The following NDC1 variants were observed in gnomAD, a reference collection of about 807,000 sequenced individuals.
The protein encoded by NDC1 is nucleoporin NDC1.
In NDC1, 24 loss-of-function variants were observed where a neutral mutation model predicts 89.8. That is an observed-to-expected ratio of 0.27 (90% CI 0.19 to 0.38). NDC1 has a LOEUF of 0.38. NDC1 is among the 10% of genes least tolerant of loss of function. NDC1 has a pLI of 1.00. For missense variants in NDC1, 728 were observed against 797.6 expected (o/e 0.91, Z 1.05); for synonymous variants, 296 against 284.8 (o/e 1.04, Z -0.39).
In NDC1 at chr1:53,766,930, A is replaced by G. The variant is rs1472155525; in HGVS notation, c.*1040T>C. The G allele has an allele frequency of 6.6e-6, 1 of 152,226 alleles. No homozygotes were observed. Among genetic ancestry groups the G allele is most frequent in the Non-Finnish European group, 1.5e-5 (1 of 68,036 alleles). 9.4% of individuals were successfully genotyped at this position (152,226 alleles called of 1,614,324 possible). A position where few individuals can be genotyped will look rare whatever the true frequency, so the allele number is the denominator to read the frequency against. ...TTCGTTCACATTTGGGACACACAAC[A>G]TACTTCCAAGTACAGTAATCCCTCT... On this transcript the variant is annotated 3_prime_UTR_variant, in exon 18 of 18. Coordinates refer to ENST00000371429, the MANE Select transcript of NDC1 (RefSeq NM_018087.5).
chr1:53,795,080 G>A (rs547542204), intron 13 of NDC1, among the ~76,000 whole-genome samples: 1 of 151,912 alleles, frequency 6.6e-6, no homozygotes, highest in Non-Finnish European at 1.5e-5. Context: ...AGTGACCTCC[G>A]CATTTCTAGC....
chr1:53,831,363 A>C (rs969744610), intron 3 of NDC1, among the ~76,000 whole-genome samples: 1 of 148,856 alleles, frequency 6.7e-6, no homozygotes, highest in Non-Finnish European at 1.5e-5. Flanking sequence ...TGTACATTTA[A>C]AAAATTTTTT....
At chr1:53,824,552 C>A (rs1648782391) in intron 5 of NDC1, among the ~76,000 whole-genome samples, 1 of 152,198 alleles carries the variant, frequency 6.6e-6, no homozygotes, top group Non-Finnish European at 1.5e-5. Flanking sequence ...AGTCTTCAGC[C>A]TGCCAGGGCA....
At chr1:53,787,124 A>G in intron 16 of NDC1, 34 bp downstream of exon 16, 2 of 1,109,082 alleles carry the variant, frequency 1.8e-6, no homozygotes, top group Non-Finnish European at 2.7e-6. Flanking sequence ...GGGGAAGATG[A>G]CCTCTACCCC....
intron 16 of NDC1, among the ~76,000 whole-genome samples, chr1:53,775,685 C>A (rs1647156915): frequency 1.3e-5 from 2 of 152,114 alleles, no homozygotes; most frequent in African/African-American, 4.8e-5. Flanking sequence ...CAGCACTTAT[C>A]CCCTTACAAA....
rs748590393 is a variant in NDC1, at chr1:53,789,113, A to G, written c.1699+20T>C. 1.3e-5 allele frequency: 19 copies of G among 1,503,662 alleles called. No homozygotes were observed. In the East Asian group the frequency reaches 1.8e-4, roughly 14 times the overall value. 93.1% of individuals were successfully genotyped at this position (1,503,662 alleles called of 1,614,324 possible). A position where few individuals can be genotyped will look rare whatever the true frequency, so the allele number is the denominator to read the frequency against. ...AACTGACAATTAAAATCATAGTTACAGTTCACAGTCATTGCTTACCTTCTA... is the reference window on the plus strand; with the variant it reads ...AACTGACAATTAAAATCATAGTTACGGTTCACAGTCATTGCTTACCTTCTA... On this transcript the variant is annotated intron_variant, in intron 15 of 17. Coordinates refer to ENST00000371429, the MANE Select transcript of NDC1 (RefSeq NM_018087.5).
chr1:53,806,411 C>T lies in NDC1; in HGVS notation c.984+14G>A. 6.7e-7 allele frequency: 1 copy of T among 1,492,106 alleles called. No homozygotes were observed. The highest frequency in any genetic ancestry group is 8.9e-7 in the Non-Finnish European group (1 of 1,118,764). 92.4% of individuals were successfully genotyped at this position (1,492,106 alleles called of 1,614,324 possible). Reference sequence around the variant, plus strand: ...GAGAAAACTGTGTGAAGATATGCAACACAGTTTGGATACCTTTATGATGGG... The same window carrying T: ...GAGAAAACTGTGTGAAGATATGCAATACAGTTTGGATACCTTTATGATGGG... On this transcript the variant is annotated intron_variant, in intron 9 of 17. Transcript: ENST00000371429.
intron 9 of NDC1, among the ~76,000 whole-genome samples, chr1:53,804,852 A>G (rs1648049610): frequency 6.6e-6 from 1 of 151,742 alleles, no homozygotes; most frequent in Admixed American, 6.6e-5. Context: ...CCTTCAAGAT[A>G]CCATCCCTCT....
At chr1:53,805,738 T>G (rs1011864518) in intron 9 of NDC1, among the ~76,000 whole-genome samples, 2 of 152,194 alleles carry the variant, frequency 1.3e-5, no homozygotes, top group African/African-American at 4.8e-5. Context: ...AAAAGCCAAC[T>G]AATACTACAA....
At chr1:53,795,020 T>C (rs1647651710) in intron 13 of NDC1, among the ~76,000 whole-genome samples, 1 of 152,190 alleles carries the variant, frequency 6.6e-6, no homozygotes, top group Admixed American at 6.5e-5. Flanking sequence ...CCTGAACTCA[T>C]GCATTTTTTT....
At chr1:53,825,246 T>TG (rs951244434) in intron 5 of NDC1, among the ~76,000 whole-genome samples, 29 of 151,426 alleles carry the variant, frequency 1.9e-4, no homozygotes, top group Admixed American at 2.0e-4. Flanking sequence ...GAGGCTGAGG[T>TG]GGGGGGATTA....
At chr1:53,809,076 T>A (rs1042451454) in intron 7 of NDC1, among the ~76,000 whole-genome samples, 8 of 152,254 alleles carry the variant, frequency 5.3e-5, no homozygotes, top group Non-Finnish European at 7.3e-5. Context: ...GACTGCCACT[T>A]GTGACCTTCA....
chr1:53,831,886 T>C (rs563604432), intron 3 of NDC1, among the ~76,000 whole-genome samples: 3 of 152,204 alleles, frequency 2.0e-5, no homozygotes, highest in South Asian at 4.1e-4. Context: ...CATAAGTTTT[T>C]TTTTAATCAC....
intron 9 of NDC1, among the ~76,000 whole-genome samples, chr1:53,805,902 G>A (rs559972388): frequency 2.6e-4 from 40 of 152,168 alleles, no homozygotes; most frequent in Admixed American, 5.9e-4. Context: ...GTGAAACCCC[G>A]TCTCTACTAA....
chr1:53,781,122 CTG>C (rs1460180463), intron 16 of NDC1, among the ~76,000 whole-genome samples: 1 of 152,012 alleles, frequency 6.6e-6, no homozygotes, highest in Admixed American at 6.6e-5. Flanking sequence ...TCTCAAAACT[CTG>C]GGATTACAGG....
Position 53,796,783 on chromosome 1 carries a change from G to C in NDC1, c.1490C>G (p.Ser497Cys). The change falls in exon 13 of 18, where the codon TCT becomes TGT. Residue 497 changes from serine (S) to cysteine (C), a missense_variant. Coordinates refer to ENST00000371429, the MANE Select transcript of NDC1 (RefSeq NM_018087.5). ...AATAGAGGTAGATGGAGAAGGATTAGAAAATTCAGTCATTTGCTGATCTAT... is the reference window on the plus strand; with the variant it reads ...AATAGAGGTAGATGGAGAAGGATTACAAAATTCAGTCATTTGCTGATCTAT... ...SASDQQMTEF[S>C]NPSPSTSISA... 1.2e-6 allele frequency: 2 copies of C among 1,610,422 alleles called. No homozygotes were observed. The highest frequency in any genetic ancestry group is 8.5e-7 in the Non-Finnish European group (1 of 1,179,146).
At chr1:53,803,159 G>C (rs1647978134) in intron 10 of NDC1, among the ~76,000 whole-genome samples, 1 of 152,196 alleles carries the variant, frequency 6.6e-6, no homozygotes, top group South Asian at 2.1e-4. Context: ...TCAACCTCCT[G>C]GGCTCAAGCA....
At chr1:53,789,747 T>C (rs1298616131) in intron 14 of NDC1, among the ~76,000 whole-genome samples, 8 of 147,420 alleles carry the variant, frequency 5.4e-5, no homozygotes, top group African/African-American at 2.0e-4. Context: ...TGCAGTGAGC[T>C]GAGATCGCGC....
At chr1:53,832,337 A>C (rs1319603324) in intron 3 of NDC1, among the ~76,000 whole-genome samples, 153 bp downstream of exon 3, 1 of 152,200 alleles carries the variant, frequency 6.6e-6, no homozygotes, top group African/African-American at 2.4e-5. Context: ...CTAGCACCCA[A>C]ATAAATTTTA....
Sources: allele counts gnomAD v4.1 joint callset (sites outside exome capture counted in the v4.1 genomes callset), GRCh38; gene constraint gnomAD v4.1.1; transcripts MANE v1.5; gene names NCBI Gene and HGNC (gene_info 2026-07-23, HGNC 2026-07-21).